Variants in VPS13B observed in about 807,000 individuals in gnomAD.
VPS13B encodes the protein intermembrane lipid transfer protein VPS13B.
VPS13B carries 285 observed loss-of-function variants against 426.4 expected under a neutral mutation model. That is an observed-to-expected ratio of 0.67 (90% CI 0.61 to 0.74). VPS13B has a LOEUF of 0.74. VPS13B is among the 30% of genes least tolerant of loss of function. VPS13B has a pLI of 0.00. For missense variants in VPS13B, 4,537 were observed against 4,782.6 expected (o/e 0.95, Z 1.51); for synonymous variants, 1,676 against 1,676.4 (o/e 1.00, Z 0.01).
chr8:99,837,197 G>A (rs1815442515), intron 54 of VPS13B, among the ~76,000 whole-genome samples: 1 of 152,132 alleles, frequency 6.6e-6, no homozygotes, highest in African/African-American at 2.4e-5. Flanking sequence ...ACTGGTGAAG[G>A]GCCTGGCTGG....
chr8:99,236,614 A>G (rs1433739174), intron 17 of VPS13B, among the ~76,000 whole-genome samples: 1 of 152,164 alleles, frequency 6.6e-6, no homozygotes. Context: ...TTGAAACTGT[A>G]ATGTTTTTAC....
chr8:99,480,525 C>T (rs567083469), intron 24 of VPS13B, among the ~76,000 whole-genome samples: 16 of 152,088 alleles, frequency 1.1e-4, no homozygotes, highest in African/African-American at 3.6e-4. Flanking sequence ...AATTGTTTCT[C>T]TATAGAGAGA....
intron 8 of VPS13B, among the ~76,000 whole-genome samples, chr8:99,124,497 C>T (rs1277069123): frequency 4.6e-5 from 7 of 152,112 alleles, no homozygotes; most frequent in Non-Finnish European, 1.0e-4. Context: ...ATTCAGTGAT[C>T]TCCCAAAATG....
chr8:99,137,393 TATGTTAGGTACAGATG>T (rs1426099553), intron 12 of VPS13B, among the ~76,000 whole-genome samples: 1 of 152,104 alleles, frequency 6.6e-6, no homozygotes, highest in African/African-American at 2.4e-5. Context: ...TATTAGGTGA[TATGTTAGGTACAGATG>T]AATGCAATGA....
intron 2 of VPS13B, among the ~76,000 whole-genome samples, chr8:99,037,314 GTAATAA>G (rs144328786): frequency 1.3e-5 from 2 of 151,050 alleles, no homozygotes; most frequent in African/African-American, 4.9e-5. Context: ...CCACACTTTT[GTAATAA>G]TAATAATAAT....
intron 3 of VPS13B, among the ~76,000 whole-genome samples, chr8:99,082,110 C>G (rs1845509050): frequency 2.0e-5 from 3 of 152,178 alleles, no homozygotes; most frequent in South Asian, 4.1e-4. Flanking sequence ...TCTCCACATC[C>G]TCTCCAGCAC....
At chr8:99,688,656 A>G (rs1209608016) in intron 35 of VPS13B, among the ~76,000 whole-genome samples, 2 of 152,068 alleles carry the variant, frequency 1.3e-5, no homozygotes, top group Non-Finnish European at 2.9e-5. Context: ...GCATTCACTC[A>G]TATTTTCTTC....
chr8:99,589,969 G>A (rs535493140), intron 33 of VPS13B, among the ~76,000 whole-genome samples: 1 of 152,234 alleles, frequency 6.6e-6, no homozygotes, highest in African/African-American at 2.4e-5. Context: ...TCTGGTCCTG[G>A]ACTTTTTTTG....
At chr8:99,562,957 T>A (rs1825009111) in intron 31 of VPS13B, among the ~76,000 whole-genome samples, 1 of 152,046 alleles carries the variant, frequency 6.6e-6, no homozygotes. Flanking sequence ...GAGTTTAAGA[T>A]CAGCCTAGGC....
At chr8:99,384,414 A>G (rs2133295801) in intron 20 of VPS13B, 97 bp downstream of exon 20, 2 of 1,007,926 alleles carry the variant, frequency 2.0e-6, no homozygotes, top group Non-Finnish European at 3.0e-6. Flanking sequence ...TTTTTAACAA[A>G]TGTACTAGAT....
At chr8:99,190,196 G>C (rs1813478215) in intron 16 of VPS13B, among the ~76,000 whole-genome samples, 1 of 152,028 alleles carries the variant, frequency 6.6e-6, no homozygotes, top group Non-Finnish European at 1.5e-5. Context: ...TTGTTCCAGA[G>C]TTTACTTTGT....
At chr8:99,579,298 C>A (rs907709545) in intron 33 of VPS13B, among the ~76,000 whole-genome samples, 1 of 152,144 alleles carries the variant, frequency 6.6e-6, no homozygotes, top group Non-Finnish European at 1.5e-5. Context: ...AATATAAAGA[C>A]ATTTTAGTTA....
At chr8:99,458,023 G>C (rs1286844947) in intron 23 of VPS13B, among the ~76,000 whole-genome samples, 5 of 151,898 alleles carry the variant, frequency 3.3e-5, no homozygotes, top group African/African-American at 1.2e-4. Context: ...CCATTAACTG[G>C]TCATTTAACA....
chr8:99,170,296 T>A, intron 16 of VPS13B, 133 bp downstream of exon 16: 1 of 1,112,810 alleles, frequency 9.0e-7, no homozygotes, highest in Admixed American at 2.3e-5. Context: ...AAACTTGTAC[T>A]TTTACTGAGA....
At chr8:99,280,789 A>G (rs1004856954) in intron 19 of VPS13B, among the ~76,000 whole-genome samples, 3 of 152,202 alleles carry the variant, frequency 2.0e-5, no homozygotes, top group Non-Finnish European at 4.4e-5. Flanking sequence ...TATTCTTATA[A>G]ATGACATGAA....
chr8:99,399,609 A>C (rs986526478), intron 21 of VPS13B, among the ~76,000 whole-genome samples: 1 of 152,156 alleles, frequency 6.6e-6, no homozygotes, highest in Non-Finnish European at 1.5e-5. Flanking sequence ...TCCTTCGGTC[A>C]TCTCATGACA....
chr8:99,442,759 C>A, intron 23 of VPS13B, 124 bp downstream of exon 23: 3 of 943,662 alleles, frequency 3.2e-6, no homozygotes, highest in Non-Finnish European at 3.2e-6. Context: ...TTTTCCTGAC[C>A]AAAGTAAGTG....
chr8:99,364,637 T>C (rs552178282), intron 19 of VPS13B, among the ~76,000 whole-genome samples: 1 of 152,278 alleles, frequency 6.6e-6, no homozygotes, highest in Admixed American at 6.5e-5. Flanking sequence ...TTCGCCATAT[T>C]GCCCAGGCTG....
intron 23 of VPS13B, among the ~76,000 whole-genome samples, chr8:99,464,099 A>C (rs111489921): frequency 6.6e-6 from 1 of 152,178 alleles, no homozygotes; most frequent in South Asian, 2.1e-4. Flanking sequence ...CTCGAGTGTT[A>C]TACTCACAAT....
Sources: allele counts gnomAD v4.1 joint callset (sites outside exome capture counted in the v4.1 genomes callset), GRCh38; gene constraint gnomAD v4.1.1; transcripts MANE v1.5; gene names NCBI Gene and HGNC (gene_info 2026-07-23, HGNC 2026-07-21).